Variants in NDST3 observed in about 807,000 individuals in gnomAD.
The protein encoded by NDST3 is bifunctional heparan sulfate N-deacetylase/N-sulfotransferase 3.
A neutral mutation model predicts 96.1 loss-of-function variants in NDST3; 58 were observed. The ratio of observed to expected loss-of-function variants is 0.60; its 90% confidence interval spans 0.49 to 0.75. NDST3 has a LOEUF of 0.75. NDST3 is among the 30% of genes least tolerant of loss of function. The pLI, the probability that NDST3 is intolerant of heterozygous loss-of-function variation, is 0.00. For synonymous variants in NDST3, 333 were observed against 359.7 expected, an observed-to-expected ratio of 0.93 and a Z score of 0.84; for missense variants, 788 against 1,034.2, an observed-to-expected ratio of 0.76 and a Z score of 3.27.
intron 2 of NDST3, among the ~76,000 whole-genome samples, chr4:118,087,137 T>C (rs949750037): frequency 2.6e-5 from 4 of 152,164 alleles, no homozygotes; most frequent in Non-Finnish European, 5.9e-5. Flanking sequence ...TGTGTGGGTT[T>C]AAGGAAATCT....
intron 6 of NDST3, among the ~76,000 whole-genome samples, chr4:118,184,544 T>A (rs1578781658): frequency 6.6e-6 from 1 of 151,432 alleles, no homozygotes; most frequent in East Asian, 1.9e-4. Flanking sequence ...TCAAAATAAA[T>A]CTCTGTCTGT....
chr4:118,107,077 G>C (rs865848065), intron 3 of NDST3, among the ~76,000 whole-genome samples: 3 of 151,240 alleles, frequency 2.0e-5, no homozygotes, highest in Admixed American at 6.6e-5. Flanking sequence ...GCTACAGAGC[G>C]AGACTCCATC....
At chr4:118,139,183 G>C (rs78100503) in intron 5 of NDST3, among the ~76,000 whole-genome samples, 1 of 152,122 alleles carries the variant, frequency 6.6e-6, no homozygotes, top group Non-Finnish European at 1.5e-5. Flanking sequence ...GGACATAATG[G>C]CCACATTTTA....
chr4:118,218,195 G>A (rs1739310774), intron 6 of NDST3, among the ~76,000 whole-genome samples: 2 of 152,052 alleles, frequency 1.3e-5, no homozygotes, highest in African/African-American at 4.8e-5. Context: ...CATTTTATAA[G>A]ATCAGCATCA....
intron 6 of NDST3, among the ~76,000 whole-genome samples, chr4:118,184,227 G>A (rs1031953909): frequency 3.3e-5 from 5 of 152,086 alleles, no homozygotes; most frequent in Non-Finnish European, 5.9e-5. Flanking sequence ...TTAATCTTAC[G>A]TGTCAGTTTG....
intron 5 of NDST3, 36 bp downstream of exon 5, chr4:118,138,275 T>C (rs1335668998): frequency 2.6e-6 from 4 of 1,521,098 alleles, no homozygotes; most frequent in Non-Finnish European, 3.6e-6. Context: ...GTACAACTAA[T>C]TCTGCAAGAT....
chr4:118,227,548 C>T (rs1027208813), intron 8 of NDST3, among the ~76,000 whole-genome samples: 3 of 151,518 alleles, frequency 2.0e-5, no homozygotes, highest in Non-Finnish European at 2.9e-5. Context: ...AAATCTTTTG[C>T]ACCTTTTCTT....
intron 1 of NDST3, among the ~76,000 whole-genome samples, chr4:118,052,590 T>C (rs1227785377): frequency 2.0e-5 from 3 of 152,022 alleles, no homozygotes; most frequent in Non-Finnish European, 4.4e-5. Flanking sequence ...AATCCAAGCA[T>C]GGCTGTACAT....
At chr4:118,162,049 C>T (rs569096749) in intron 6 of NDST3, among the ~76,000 whole-genome samples, 147 of 152,114 alleles carry the variant, frequency 9.7e-4, no homozygotes, top group African/African-American at 2.4e-3. Flanking sequence ...ACAAGGGACG[C>T]GAAGGACCTC....
At chr4:118,241,061 AT>A (rs938413113) in intron 11 of NDST3, among the ~76,000 whole-genome samples, 1 of 152,100 alleles carries the variant, frequency 6.6e-6, no homozygotes, top group Non-Finnish European at 1.5e-5. Context: ...ACCTTGCTGA[AT>A]TTTTGATAAG....
At chr4:118,096,572 T>G (rs542086595) in intron 2 of NDST3, among the ~76,000 whole-genome samples, 3 of 151,992 alleles carry the variant, frequency 2.0e-5, no homozygotes, top group African/African-American at 7.2e-5. Flanking sequence ...AGTCATGATA[T>G]ATATAAAAGA....
chr4:118,052,735 A>G (rs1180717821), intron 1 of NDST3, among the ~76,000 whole-genome samples: 3 of 152,024 alleles, frequency 2.0e-5, no homozygotes, highest in African/African-American at 7.2e-5. Flanking sequence ...TACTCTTAAC[A>G]GTAAATCTGT....
rs1453805778 is a variant in NDST3 at position 118,256,948 on chromosome 4, T to G, written c.*1236T>G. On this transcript the variant is annotated 3_prime_UTR_variant, in exon 14 of 14. Coordinates refer to ENST00000296499, the MANE Select transcript of NDST3 (RefSeq NM_004784.3). The stretch of plus-strand genomic sequence containing the variant: ...TTTTTGAAAATATTTCACCCATCAC[T>G]CTGGTGGAAGTAACAGATCATAGGT... The G allele has an allele frequency of 1.3e-5, 2 of 152,186 alleles. No homozygotes were observed. The highest frequency in any genetic ancestry group is 2.9e-5 in the Non-Finnish European group (2 of 68,034). 9.4% of individuals were successfully genotyped at this position (152,186 alleles called of 1,614,324 possible).
intron 2 of NDST3, among the ~76,000 whole-genome samples, chr4:118,074,296 G>A (rs1419724463): frequency 6.6e-6 from 1 of 152,028 alleles, no homozygotes; most frequent in Non-Finnish European, 1.5e-5. Flanking sequence ...GGTCCATTTG[G>A]TCAAGTGTCA....
At chr4:118,206,787 T>A (rs1214426750) in intron 6 of NDST3, among the ~76,000 whole-genome samples, 1 of 143,898 alleles carries the variant, frequency 6.9e-6, no homozygotes, top group African/African-American at 2.6e-5. Context: ...TGTAAGTCAG[T>A]ACAATCTCTA....
intron 6 of NDST3, among the ~76,000 whole-genome samples, chr4:118,203,744 G>C (rs1478745810): frequency 6.6e-6 from 1 of 152,156 alleles, no homozygotes; most frequent in Non-Finnish European, 1.5e-5. Context: ...ACTTACACAT[G>C]TAAGTGTGGG....
At chr4:118,066,328 G>A (rs60314534) in intron 2 of NDST3, among the ~76,000 whole-genome samples, 14 of 564 alleles carry the variant, frequency 0.025, 3 homozygotes, top group Non-Finnish European at 0.067. Flanking sequence ...TATATATTAT[G>A]TATTATATAT....
In NDST3 at chr4:118,226,895, G is replaced by A. The variant is rs747346696; in HGVS notation, c.1732G>A (p.Asp578Asn). The stretch of plus-strand genomic sequence containing the variant: ...TTCTTCTCCCATTTAGAATCCTTGC[G>A]ATGACAAACGCCACAGAGACATTTG... Reference protein sequence around the residue: ...QKDPLWQNPCDDKRHRDIWSK... With the variant: ...QKDPLWQNPCNDKRHRDIWSK... The change falls in exon 8 of 14, where the codon GAT becomes AAT. Residue 578 changes from aspartate (D) to asparagine (N), a missense_variant. Physicochemically the swap from Asp to Asn is conservative, Grantham distance 23 (BLOSUM62 1). Around this residue, in one of 3 missense-constraint regions of NDST3, gnomAD observed 490 missense variants for 708.8 expected, o/e 0.69. Coordinates refer to ENST00000296499, the MANE Select transcript of NDST3 (RefSeq NM_004784.3). 14 of 1,610,684 alleles carry A rather than the reference G, an allele frequency of 8.7e-6. No homozygotes were observed. In the African/African-American group the frequency reaches 1.3e-4, roughly 15 times the overall value.
rs1725259948 is a variant in NDST3, at chr4:118,054,145, A to G, written c.235A>G (p.Thr79Ala). 2.5e-6 allele frequency: 4 copies of G among 1,612,858 alleles called. No homozygotes were observed. The South Asian group carries it at 4.4e-5, about 18-fold the overall frequency. Residue 79 changes from threonine to alanine, a missense_variant, in exon 2 of 14, where the codon ACA becomes GCA. Around this residue, in one of 3 missense-constraint regions of NDST3, gnomAD observed 234 missense variants for 256.9 expected, o/e 0.91. Transcript: ENST00000296499. The part of the protein sequence containing the change: ...KLFDASRTDP[T>A]VLVFVESQYS... ...TTTTGATGCCTCAAGGACAGACCCCACAGTCCTAGTATTTGTAGAGAGCCA... is the reference window on the plus strand; with the variant it reads ...TTTTGATGCCTCAAGGACAGACCCCGCAGTCCTAGTATTTGTAGAGAGCCA...
Sources: allele counts gnomAD v4.1 joint callset (sites outside exome capture counted in the v4.1 genomes callset), GRCh38; gene constraint gnomAD v4.1.1; regional missense constraint gnomAD v4.1.1; transcripts MANE v1.5; gene names NCBI Gene and HGNC (gene_info 2026-07-23, HGNC 2026-07-21).